EIF2AK4: variants seen among roughly 807,000 people sequenced by gnomAD.
EIF2AK4 encodes eukaryotic translation initiation factor 2 alpha kinase 4.
Under a neutral mutation model 211.1 loss-of-function variants are expected in EIF2AK4, and 139 were observed. That is an observed-to-expected ratio of 0.66 (90% CI 0.57 to 0.76). EIF2AK4 has a LOEUF of 0.76. Among genes scored for constraint, EIF2AK4 ranks in the 30% least tolerant of loss-of-function variants. The probability of loss-of-function intolerance (pLI) is 0.00; values close to 1 mark genes in which losing one functional copy is unlikely to be tolerated. For synonymous variants in EIF2AK4, 710 were observed against 751.3 expected, an observed-to-expected ratio of 0.94 and a Z score of 0.90; for missense variants, 1,664 against 2,043.8, an observed-to-expected ratio of 0.81 and a Z score of 3.58.
chr15:39,997,646 A>G (rs1222479396), intron 19 of EIF2AK4, among the ~76,000 whole-genome samples: 1 of 152,234 alleles, frequency 6.6e-6, no homozygotes, highest in Non-Finnish European at 1.5e-5. Context: ...GAAAACTACC[A>G]AGACCAGAAG....
chr15:39,992,234 A>G lies in EIF2AK4; in HGVS notation c.2686+5A>G, dbSNP rs545875638. ...TGATTAAGTCAGACCCTTCAGGTAA[A>G]CCCAGAAGACTATATATTTCATCCA... On this transcript the variant is annotated splice_donor_5th_base_variant and intron_variant, in intron 17 of 38. Coordinates refer to ENST00000263791, the MANE Select transcript of EIF2AK4 (RefSeq NM_001013703.4). 58 of 1,606,374 alleles carry G rather than the reference A, an allele frequency of 3.6e-5. 1 individual carries two copies. The Middle Eastern group carries it at 8.3e-4, about 23-fold the overall frequency.
At chr15:40,010,445 A>T (rs571026551) in intron 26 of EIF2AK4, among the ~76,000 whole-genome samples, 20 of 152,312 alleles carry the variant, frequency 1.3e-4, no homozygotes, top group African/African-American at 4.8e-4. Context: ...CATAGTATTC[A>T]TTACTTTATA....
intron 14 of EIF2AK4, among the ~76,000 whole-genome samples, chr15:39,986,367 G>T (rs115215531): frequency 0.01 from 1,542 of 152,352 alleles, 29 homozygotes; most frequent in African/African-American, 0.036. Flanking sequence ...GTGCACACAT[G>T]CCTGTACATG....
chr15:39,990,448 C>T (rs965900896), intron 16 of EIF2AK4, 71 bp downstream of exon 16: 22 of 1,314,994 alleles, frequency 1.7e-5, no homozygotes, highest in East Asian at 6.9e-5. Context: ...GAAGTGTTAG[C>T]GGATAGAATA....
rs973564116 is a variant in EIF2AK4 at position 39,965,808 on chromosome 15, C to T, written c.982C>T (p.Gln328Ter). Residue 328 changes from glutamine (Q) to a stop codon, truncating the protein, a stop_gained, in exon 8 of 39, where the codon CAA (glutamine) becomes TAA (stop). Coordinates refer to ENST00000263791, the MANE Select transcript of EIF2AK4 (RefSeq NM_001013703.4). LOFTEE classifies it high-confidence loss of function. ...AAAAATGGGTCCATTCCTTACCAGT[C>T]AAGAAAAAGAGAAGATTGATAAGTG... Reference protein sequence around the residue: ...QKKMGPFLTSQEKEKIDKCKK... With the variant: ...QKKMGPFLTS 6.2e-7 allele frequency: 1 copy of T among 1,613,834 alleles called. No individual in the cohort carries two copies.
rs1233104428 is a variant in EIF2AK4, at chr15:39,961,803, G to C, written c.763G>C (p.Val255Leu). The C allele has an allele frequency of 6.2e-7, 1 of 1,613,686 alleles. No individual in the cohort carries two copies. The highest frequency in any genetic ancestry group is 1.7e-5 in the Admixed American group (1 of 60,016). ...TTTAAGGCGAGAACGTCAGTATTCTGTATGTAATAGTGAAGATTCTCCTGG... is the reference window on the plus strand; with the variant it reads ...TTTAAGGCGAGAACGTCAGTATTCTCTATGTAATAGTGAAGATTCTCCTGG... ...GRSRRERQYS[V>L]CNSEDSPGSC... The change falls in exon 7 of 39, where the codon GTA (valine) becomes CTA (leucine). Residue 255 changes from valine to leucine, a missense_variant. Val to Leu is a conservative substitution (Grantham distance 32, BLOSUM62 1). Around this residue, in one of 7 missense-constraint regions of EIF2AK4, gnomAD observed 641 missense variants for 729.6 expected, o/e 0.88. Transcript: ENST00000263791.
chr15:40,022,311 T>G, intron 31 of EIF2AK4: 1 of 503,964 alleles, frequency 2.0e-6, no homozygotes, highest in Non-Finnish European at 3.5e-6. Flanking sequence ...CTTTAAACAA[T>G]CATGAAGGGA....
chr15:40,008,199 C>G lies in EIF2AK4; in HGVS notation c.3576+4C>G. On this transcript the variant is annotated splice_donor_region_variant and intron_variant, in intron 25 of 38. Coordinates refer to ENST00000263791, the MANE Select transcript of EIF2AK4 (RefSeq NM_001013703.4). Reference sequence around the variant, plus strand: ...CCAAGAGTTTCCAGCACTTCAGGTTCCTTTCCATATTTTAACATTCCAAGA... The same window carrying G: ...CCAAGAGTTTCCAGCACTTCAGGTTGCTTTCCATATTTTAACATTCCAAGA... The G allele has an allele frequency of 1.3e-6, 2 of 1,584,604 alleles. No homozygotes were observed. Among genetic ancestry groups the G allele is most frequent in the Non-Finnish European group, 1.7e-6 (2 of 1,168,412 alleles).
chr15:39,945,794 G>A (rs191559130), intron 3 of EIF2AK4, among the ~76,000 whole-genome samples: 1 of 152,346 alleles, frequency 6.6e-6, no homozygotes, highest in East Asian at 1.9e-4. Context: ...GTTGAGGCCA[G>A]TGTTCACTTA....
At chr15:40,032,926 G>T in intron 37 of EIF2AK4, 125 bp downstream of exon 37, 2 of 727,706 alleles carry the variant, frequency 2.7e-6, no homozygotes, top group Non-Finnish European at 4.3e-6. Flanking sequence ...CAGGAATTTA[G>T]TAACATTTTT....
At chr15:39,942,116 A>AT (rs987258088) in intron 2 of EIF2AK4, among the ~76,000 whole-genome samples, 2 of 152,134 alleles carry the variant, frequency 1.3e-5, no homozygotes, top group Admixed American at 6.5e-5. Context: ...ATGATTACTT[A>AT]TTTTTTAAAT....
At chr15:40,025,510 T>C (rs919602690) in intron 32 of EIF2AK4, among the ~76,000 whole-genome samples, 1 of 152,056 alleles carries the variant, frequency 6.6e-6, no homozygotes, top group Non-Finnish European at 1.5e-5. Flanking sequence ...AAAAGTGGGA[T>C]GACAGGACTT....
rs959896336 is a variant in EIF2AK4, at chr15:40,025,825, G to A, written c.4390-152G>A. 6 of 651,444 alleles carry A rather than the reference G, an allele frequency of 9.2e-6. No individual in the cohort carries two copies. In the African/African-American group the frequency reaches 1.1e-4, roughly 12 times the overall value. The allele number at this position is 651,444 out of a possible 1,614,324, so 40.4% of individuals were successfully genotyped here. On this transcript the variant is annotated intron_variant, in intron 32 of 38. Coordinates refer to ENST00000263791, the MANE Select transcript of EIF2AK4 (RefSeq NM_001013703.4). Reference sequence around the variant, plus strand: ...GTTGCACCATCCAAAAATGTCACCAGACATTGCTAAATGTCCCCTGGGGAG... The same window carrying A: ...GTTGCACCATCCAAAAATGTCACCAAACATTGCTAAATGTCCCCTGGGGAG...
rs537628508 is a variant in EIF2AK4, at chr15:40,002,796, C to T, written c.3235+8C>T. 4.0e-5 allele frequency: 64 copies of T among 1,613,734 alleles called. No individual in the cohort carries two copies. The highest frequency in any genetic ancestry group is 1.6e-4 in the East Asian group (7 of 44,892). ...GCATCTTTAAAAGACATGGTATGTA[C>T]GCCCTTTTTAAAAATGATATTTCTT... On this transcript the variant is annotated splice_region_variant and intron_variant, in intron 22 of 38. Coordinates refer to ENST00000263791, the MANE Select transcript of EIF2AK4 (RefSeq NM_001013703.4).
intron 13 of EIF2AK4, 73 bp from the exon 14 acceptor site, chr15:39,985,732 T>C (rs2034855694): frequency 2.0e-6 from 3 of 1,466,618 alleles, no homozygotes; most frequent in African/African-American, 1.4e-5. Flanking sequence ...TGGGCACAAA[T>C]ACTTAATGAT....
Position 40,001,099 on chromosome 15 carries a change from C to T in EIF2AK4, c.3034C>T (p.His1012Tyr). ...PPPQMEESEL[H>Y]EVLHHTLTNV... ...ACCCCAGATGGAGGAGTCAGAGCTG[C>T]ATGAAGTGCTGCACCACACGCTGAC... The change falls in exon 21 of 39, where the codon CAT becomes TAT. Residue 1012 changes from histidine to tyrosine, a missense_variant. Transcript: ENST00000263791. 6.2e-7 allele frequency: 1 copy of T among 1,614,168 alleles called. No homozygotes were observed. Among genetic ancestry groups the T allele is most frequent in the Non-Finnish European group, 8.5e-7 (1 of 1,180,028 alleles).
At chr15:40,002,593 G>T in intron 21 of EIF2AK4, 120 bp from the exon 22 acceptor site, 1 of 1,002,964 alleles carries the variant, frequency 1.0e-6, no homozygotes, top group Non-Finnish European at 1.6e-6. Context: ...GACTTGTCAA[G>T]ACTTGTTTTT....
chr15:40,017,522 T>TAC (rs2035322554), intron 29 of EIF2AK4, among the ~76,000 whole-genome samples: 1 of 26,688 alleles, frequency 3.7e-5, no homozygotes, highest in African/African-American at 1.1e-4. Flanking sequence ...TATATATATA[T>TAC]ATATATATAT....
chr15:39,961,771 A>C lies in EIF2AK4; in HGVS notation c.744-13A>C. On this transcript the variant is annotated splice_polypyrimidine_tract_variant and intron_variant, in intron 6 of 38. Transcript: ENST00000263791. ...ATGATTGTTCAAATGTATTGTTCAA[A>C]TTTATTTTTAAGGCGAGAACGTCAG... 6.3e-7 allele frequency: 1 copy of C among 1,593,958 alleles called. No homozygotes were observed. Among genetic ancestry groups the C allele is most frequent in the South Asian group, 1.1e-5 (1 of 89,346 alleles).
Sources: allele counts gnomAD v4.1 joint callset (sites outside exome capture counted in the v4.1 genomes callset), GRCh38; gene constraint gnomAD v4.1.1; regional missense constraint gnomAD v4.1.1; transcripts MANE v1.5; gene names NCBI Gene and HGNC (gene_info 2026-07-23, HGNC 2026-07-21).